TEX11: variants seen among roughly 807,000 people sequenced by gnomAD.
TEX11 encodes testis-expressed protein 11.
In TEX11, 7 loss-of-function variants were observed where a neutral mutation model predicts 84.4. The ratio of observed to expected loss-of-function variants is 0.08; its 90% CI spans 0.05 to 0.16. The LOEUF (loss-of-function observed/expected upper bound fraction) is 0.16. Among genes scored for constraint, TEX11 ranks in the 10% least tolerant of loss-of-function variants. The pLI is 1.00. For synonymous variants in TEX11, 264 were observed against 222.8 expected, an observed-to-expected ratio of 1.18 and a Z score of -1.64; for missense variants, 551 against 660.5, an observed-to-expected ratio of 0.83 and a Z score of 1.82.
intron 25 of TEX11, among the ~76,000 whole-genome samples, chrX:70,568,426 G>A (rs1337148432): frequency 2.7e-5 from 3 of 109,891 alleles, no homozygotes; most frequent in Non-Finnish European, 5.7e-5. Context: ...ATATTGTTAT[G>A]TGTGAATTTG....
chrX:70,652,447 T>C (rs777558905), intron 16 of TEX11, among the ~76,000 whole-genome samples: 38 of 111,968 alleles, frequency 3.4e-4, no homozygotes, highest in Non-Finnish European at 5.8e-4. Context: ...ACTAGAATTA[T>C]GAAAAACTGG....
At chrX:70,704,922 G>A (rs763599879) in intron 13 of TEX11, among the ~76,000 whole-genome samples, 1 of 111,609 alleles carries the variant, frequency 9.0e-6, no homozygotes, top group Non-Finnish European at 1.9e-5. Flanking sequence ...GGTTTTTATG[G>A]TTTTAGGTCT....
At chrX:70,739,413 C>CT (rs35219972) in intron 11 of TEX11, among the ~76,000 whole-genome samples, 1,098 of 75,107 alleles carry the variant, frequency 0.015, 14 homozygotes, top group African/African-American at 0.04. Flanking sequence ...TATTTCATTT[C>CT]TTTTTTTTTT....
intron 8 of TEX11, among the ~76,000 whole-genome samples, chrX:70,822,857 A>C (rs1340472646): frequency 9.0e-6 from 1 of 110,517 alleles, no homozygotes; most frequent in Non-Finnish European, 1.9e-5. Context: ...CTTTTAAATA[A>C]CCAGCTCTAG....
chrX:70,642,013 G>A (rs1178532284), intron 17 of TEX11, among the ~76,000 whole-genome samples: 1 of 110,055 alleles, frequency 9.1e-6, no homozygotes, highest in Non-Finnish European at 1.9e-5. Context: ...AAAATTGATA[G>A]ACCGCTAGCA....
intron 5 of TEX11, chrX:70,857,623 GA>G: frequency 6.8e-6 from 2 of 292,556 alleles, no homozygotes; most frequent in Non-Finnish European, 1.3e-5. Flanking sequence ...ATGGCAATAA[GA>G]AAAATGATAT....
chrX:70,815,211 A>C (rs1434411415), intron 8 of TEX11, among the ~76,000 whole-genome samples: 2 of 112,572 alleles, frequency 1.8e-5, no homozygotes, highest in African/African-American at 6.4e-5. Flanking sequence ...CAAATATCAA[A>C]GAAAGAATCC....
At chrX:70,625,005 G>C (rs750333791) in intron 18 of TEX11, 81 bp from the exon 19 acceptor site, 3 of 679,304 alleles carry the variant, frequency 4.4e-6, no homozygotes, top group Non-Finnish European at 6.5e-6. Context: ...GTTCATTAAA[G>C]ATAAGACAAA....
chrX:70,608,273 A>G (rs1047720328), intron 22 of TEX11, among the ~76,000 whole-genome samples: 1 of 112,085 alleles, frequency 8.9e-6, no homozygotes, highest in South Asian at 3.7e-4. Flanking sequence ...GGTAACCATT[A>G]TCCTGACTTA....
At chrX:70,624,448 G>T (rs1168740147) in intron 19 of TEX11, among the ~76,000 whole-genome samples, 1 of 111,710 alleles carries the variant, frequency 9.0e-6, no homozygotes, top group Admixed American at 9.5e-5. Context: ...AAATAAGGTA[G>T]TTGGTAAAGT....
At chrX:70,830,765 T>C (rs1041594458) in intron 8 of TEX11, among the ~76,000 whole-genome samples, 1 of 111,755 alleles carries the variant, frequency 8.9e-6, no homozygotes, top group East Asian at 2.8e-4. Flanking sequence ...CAATGAGATA[T>C]CACCTCACAT....
At chrX:70,725,036 TA>T (rs1266349244) in intron 12 of TEX11, among the ~76,000 whole-genome samples, 1 of 108,558 alleles carries the variant, frequency 9.2e-6, no homozygotes, top group African/African-American at 3.4e-5. Context: ...TGATTGCTTT[TA>T]TTCAGCTTTT....
At chrX:70,682,405 C>T (rs1382336636) in intron 14 of TEX11, among the ~76,000 whole-genome samples, 3 of 111,361 alleles carry the variant, frequency 2.7e-5, no homozygotes, top group African/African-American at 9.8e-5. Flanking sequence ...GGCTTGTAAC[C>T]TCACAATATT....
At chrX:70,699,299 GAC>G (rs2090306879) in intron 13 of TEX11, among the ~76,000 whole-genome samples, 2 of 111,544 alleles carry the variant, frequency 1.8e-5, no homozygotes, top group African/African-American at 6.5e-5. Context: ...AACCATGTAA[GAC>G]TCCAGGCAAT....
intron 28 of TEX11, among the ~76,000 whole-genome samples, chrX:70,543,382 T>C (rs1395596259): frequency 2.7e-5 from 3 of 110,970 alleles, no homozygotes; most frequent in Non-Finnish European, 5.7e-5. Flanking sequence ...CTGCAATATA[T>C]TGGACAGAAT....
At chrX:70,661,088 C>T (rs1318125878) in intron 16 of TEX11, among the ~76,000 whole-genome samples, 4 of 112,080 alleles carry the variant, frequency 3.6e-5, no homozygotes, top group East Asian at 2.8e-4. Flanking sequence ...TTGCCTCACC[C>T]GGGAAGTGCA....
chrX:70,863,481 G>A (rs531785210), intron 4 of TEX11, among the ~76,000 whole-genome samples: 1 of 111,347 alleles, frequency 9.0e-6, no homozygotes, highest in South Asian at 3.8e-4. Context: ...GCAGAAGAGG[G>A]GCCTGACTCT....
intron 25 of TEX11, among the ~76,000 whole-genome samples, chrX:70,555,536 G>T (rs1288479760): frequency 8.9e-6 from 1 of 112,018 alleles, no homozygotes; most frequent in African/African-American, 3.2e-5. Flanking sequence ...GTTCCTTTGT[G>T]CTCCTTTCCA....
chrX:70,795,329 G>A (rs947738978), intron 9 of TEX11, among the ~76,000 whole-genome samples: 1 of 110,669 alleles, frequency 9.0e-6, no homozygotes, highest in African/African-American at 3.3e-5. Context: ...AGGAGCACCA[G>A]GTAGCTCCCT....
Sources: gnomAD v4.1 joint callset for allele counts (sites outside exome capture counted in the v4.1 genomes callset) on GRCh38, gnomAD v4.1.1 for gene constraint, MANE v1.5 for transcripts, NCBI Gene and HGNC (gene_info 2026-07-23, HGNC 2026-07-21) for gene names.